Variants in RHOU observed in about 807,000 individuals in gnomAD.
RHOU encodes ras homolog family member U.
Under a neutral mutation model 12.6 loss-of-function variants are expected in RHOU, and 8 were observed. The ratio of observed to expected loss-of-function variants is 0.64; its 90% CI spans 0.37 to 1.15. RHOU has a LOEUF of 1.15. Ranked by LOEUF, RHOU falls within the 50% of genes most tolerant of loss-of-function variation. The pLI is 0.01. For synonymous variants in RHOU, 161 were observed against 147.4 expected, an observed-to-expected ratio of 1.09 and a Z score of -0.67; for missense variants, 258 against 347.0, an observed-to-expected ratio of 0.74 and a Z score of 2.04.
the RHOU span, among the ~76,000 whole-genome samples, chr1:228,675,295 C>A: frequency 6.6e-6 from 1 of 151,884 alleles, no homozygotes; most frequent in Non-Finnish European, 1.5e-5. Context: ...TATTTTATAT[C>A]CTTGTATTTA....
chr1:228,715,302 T>G, the RHOU span, among the ~76,000 whole-genome samples: 1 of 152,164 alleles, frequency 6.6e-6, no homozygotes, highest in South Asian at 2.1e-4. Context: ...TATATTCTGA[T>G]ACACTGTGTT....
At chr1:228,724,282 G>A in the RHOU span, among the ~76,000 whole-genome samples, 1 of 152,030 alleles carries the variant, frequency 6.6e-6, no homozygotes, top group Non-Finnish European at 1.5e-5. Flanking sequence ...GAGAAGAAAG[G>A]GTAAACCCAT....
the RHOU span, among the ~76,000 whole-genome samples, chr1:228,669,337 G>A: frequency 2.6e-5 from 4 of 152,052 alleles, no homozygotes; most frequent in East Asian, 7.8e-4. Context: ...CTTCCTCCAG[G>A]CCTCAGGCAT....
Position 228,743,259 on chromosome 1 carries a change from C to G in RHOU, c.322-26C>G. 6.3e-7 allele frequency: 1 copy of G among 1,595,504 alleles called. No individual in the cohort carries two copies. The highest frequency in any genetic ancestry group is 8.6e-7 in the Non-Finnish European group (1 of 1,164,018). ...CTGATGAGAATTCATGAAAACATAACTTTTGGGTACTTTGCTTGGTTGCAG... is the reference window on the plus strand; with the variant it reads ...CTGATGAGAATTCATGAAAACATAAGTTTTGGGTACTTTGCTTGGTTGCAG... On this transcript the variant is annotated intron_variant, in intron 2 of 2. Transcript: ENST00000366691. This position sits in a 1 kb window ranked among gnomAD's most constrained non-coding sequence, Gnocchi z 5.1.
At chr1:228,693,107 C>G in the RHOU span, among the ~76,000 whole-genome samples, 1 of 152,062 alleles carries the variant, frequency 6.6e-6, no homozygotes, top group African/African-American at 2.4e-5. Context: ...GGTAATAATC[C>G]TATGGGTTAT....
chr1:228,648,512 G>T, the RHOU span, among the ~76,000 whole-genome samples: 27,820 of 152,054 alleles, frequency 0.18, 2,801 homozygotes, highest in East Asian at 0.34. Context: ...GATTGTTTTG[G>T]ATCCCTTGCT....
the RHOU span, among the ~76,000 whole-genome samples, chr1:228,676,981 G>A: frequency 2.0e-5 from 3 of 151,804 alleles, no homozygotes; most frequent in Non-Finnish European, 4.4e-5. Context: ...CCTGGGCTCA[G>A]AGGCCTGACA....
chr1:228,662,444 A>G, the RHOU span, among the ~76,000 whole-genome samples: 2 of 152,218 alleles, frequency 1.3e-5, no homozygotes, highest in African/African-American at 4.8e-5. Context: ...ATGTCCATCA[A>G]TGATAGACTG....
chr1:228,646,837 C>A, the RHOU span, among the ~76,000 whole-genome samples: 359 of 151,960 alleles, frequency 2.4e-3, 3 homozygotes, highest in Middle Eastern at 0.024. Context: ...CAGACACACA[C>A]GGCTTGAAGG....
rs1352734238 is a variant in RHOU at position 228,738,909 on chromosome 1, G to A, written c.321+1178G>A. ...AGGTGGGAGGATTGCATGAGGCCAG[G>A]AATTTGAGACCAGCCTGGGTAGCAT... On this transcript the variant is annotated intron_variant, in intron 2 of 2. Coordinates refer to ENST00000366691, the MANE Select transcript of RHOU (RefSeq NM_021205.6). This position sits in a 1 kb window ranked among gnomAD's most constrained non-coding sequence, Gnocchi z 4.2. 6.6e-6 allele frequency among the ~76,000 whole-genome samples: 1 copy of A among 152,058 alleles called. No individual in the cohort carries two copies. Among genetic ancestry groups the A allele is most frequent in the Non-Finnish European group, 1.5e-5 (1 of 68,014 alleles).
At chr1:228,680,157 C>T in the RHOU span, among the ~76,000 whole-genome samples, 1 of 152,178 alleles carries the variant, frequency 6.6e-6, no homozygotes, top group African/African-American at 2.4e-5. Flanking sequence ...TTACCCTCCA[C>T]TGTGAGAGTT....
chr1:228,725,060 C>T, the RHOU span, among the ~76,000 whole-genome samples: 65 of 152,248 alleles, frequency 4.3e-4, no homozygotes, highest in African/African-American at 1.5e-3. Flanking sequence ...GTCAAGACTA[C>T]AGTAATAGGA....
the RHOU span, among the ~76,000 whole-genome samples, chr1:228,698,932 A>G: frequency 4.2e-4 from 64 of 152,320 alleles, no homozygotes; most frequent in African/African-American, 1.5e-3. Flanking sequence ...TAAGGAAAAA[A>G]TTAAGAGATA....
At chr1:228,652,014 T>G in the RHOU span, among the ~76,000 whole-genome samples, 22 of 152,374 alleles carry the variant, frequency 1.4e-4, no homozygotes, top group Non-Finnish European at 2.9e-4. Context: ...TGTGGCTTCC[T>G]CACTGACCTT....
the RHOU span, among the ~76,000 whole-genome samples, chr1:228,673,486 G>A: frequency 2.0e-5 from 3 of 152,134 alleles, 1 homozygote; most frequent in African/African-American, 2.4e-5. Context: ...ATGTTAAATT[G>A]TAATCCCCAG....
At chr1:228,686,313 TA>T in the RHOU span, among the ~76,000 whole-genome samples, 1 of 152,190 alleles carries the variant, frequency 6.6e-6, no homozygotes, top group African/African-American at 2.4e-5. Context: ...ATTATTATAA[TA>T]AAGAGTTTCT....
the RHOU span, among the ~76,000 whole-genome samples, chr1:228,715,966 G>T: frequency 2.7e-5 from 4 of 150,112 alleles, no homozygotes; most frequent in Admixed American, 2.7e-4. Flanking sequence ...TCAGCCTGGA[G>T]TGCAGTGGCA....
the RHOU span, among the ~76,000 whole-genome samples, chr1:228,710,315 C>G: frequency 6.6e-6 from 1 of 152,266 alleles, no homozygotes; most frequent in South Asian, 2.1e-4. Flanking sequence ...TTTTATGAGG[C>G]CAGCATCATC....
At chr1:228,723,948 T>C in the RHOU span, among the ~76,000 whole-genome samples, 1 of 152,240 alleles carries the variant, frequency 6.6e-6, no homozygotes, top group African/African-American at 2.4e-5. Context: ...ACGCTGTTTC[T>C]TAGACATCCA....
Sources: gnomAD v4.1 joint callset for allele counts (sites outside exome capture counted in the v4.1 genomes callset) on GRCh38, gnomAD v4.1.1 for gene constraint, Gnocchi (gnomAD v3.1) non-coding constraint, MANE v1.5 for transcripts, NCBI Gene and HGNC (gene_info 2026-07-23, HGNC 2026-07-21) for gene names.